The following SLC25A53 variants were observed in gnomAD, a reference collection of about 807,000 sequenced individuals.
SLC25A53 encodes the protein solute carrier family 25 member 53, also known as mitochondrial carrier triple repeat protein 6.
In SLC25A53, 5 loss-of-function variants were observed where a neutral mutation model predicts 15.0. That is an observed-to-expected ratio of 0.33 (90% CI 0.17 to 0.70). SLC25A53 has a LOEUF of 0.70. Among genes scored for constraint, SLC25A53 ranks in the 30% least tolerant of loss-of-function variants. The pLI, the probability that SLC25A53 is intolerant of heterozygous loss-of-function variation, is 0.67. For missense variants in SLC25A53, 216 were observed against 241.6 expected, an observed-to-expected ratio of 0.89 and a Z score of 0.70; for synonymous variants, 95 against 100.0, an observed-to-expected ratio of 0.95 and a Z score of 0.30.
intron 1 of SLC25A53, among the ~76,000 whole-genome samples, chrX:104,116,424 G>A (rs1411889257): frequency 9.0e-6 from 1 of 111,118 alleles, no homozygotes; most frequent in African/African-American, 3.3e-5. Context: ...GGGTCCCTGG[G>A]CTGACAAGAC....
intron 1 of SLC25A53, among the ~76,000 whole-genome samples, chrX:104,136,586 T>A (rs1556366510): frequency 8.9e-6 from 1 of 112,216 alleles, no homozygotes; most frequent in Non-Finnish European, 1.9e-5. Context: ...GCTACTTGAA[T>A]CCTTCTGCAA....
intron 1 of SLC25A53, chrX:104,115,435 T>C: frequency 1.3e-6 from 1 of 775,876 alleles, no homozygotes. Flanking sequence ...CAAAGCAGTT[T>C]TCCTTTGGGA....
chrX:104,150,443 G>T (rs1299241585), intron 1 of SLC25A53, among the ~76,000 whole-genome samples: 1 of 110,851 alleles, frequency 9.0e-6, no homozygotes, highest in Non-Finnish European at 1.9e-5. Context: ...TCACAGCTGG[G>T]CCTTGGTGTT....
chrX:104,121,576 T>C (rs2075392809), intron 1 of SLC25A53, among the ~76,000 whole-genome samples: 1 of 110,299 alleles, frequency 9.1e-6, no homozygotes, highest in South Asian at 3.9e-4. Flanking sequence ...TTGCTGGGAA[T>C]ACCCTTTAAC....
chrX:104,124,229 T>C (rs1294182901), intron 1 of SLC25A53, among the ~76,000 whole-genome samples: 1 of 111,868 alleles, frequency 8.9e-6, no homozygotes, highest in Non-Finnish European at 1.9e-5. Flanking sequence ...CATGTGTTGT[T>C]TCCTGACTTT....
rs1395446341 is a variant in SLC25A53, at chrX:104,102,633, A to G, written c.*1701T>C. 3.7e-4 allele frequency: 41 copies of G among 112,240 alleles called. No individual in the cohort carries two copies. Among genetic ancestry groups the G allele is most frequent in the African/African-American group, 1.3e-3 (41 of 30,921 alleles). 9.2% of individuals were successfully genotyped at this position (112,240 alleles called of 1,213,427 possible). A position where few individuals can be genotyped will look rare whatever the true frequency, so the allele number is the denominator to read the frequency against. On this transcript the variant is annotated 3_prime_UTR_variant, in exon 2 of 2. Transcript: ENST00000594199. Reference sequence around the variant, plus strand: ...AGGGACAGCACCCTGAGGATATACCATATCACAGCTTGATAATCAACTCAG... The same window carrying G: ...AGGGACAGCACCCTGAGGATATACCGTATCACAGCTTGATAATCAACTCAG...
intron 1 of SLC25A53, among the ~76,000 whole-genome samples, chrX:104,148,649 C>T (rs1455180250): frequency 9.1e-6 from 1 of 109,556 alleles, no homozygotes; most frequent in Non-Finnish European, 1.9e-5. Context: ...CACTTGGACA[C>T]AGGAAGGGGA....
chrX:104,129,564 CT>C (rs1346849758), intron 1 of SLC25A53, among the ~76,000 whole-genome samples: 6 of 108,589 alleles, frequency 5.5e-5, no homozygotes, highest in Admixed American at 2.0e-4. Flanking sequence ...AGAACATTGC[CT>C]TTTCTAACCT....
At chrX:104,127,675 A>T (rs1331497126) in intron 1 of SLC25A53, among the ~76,000 whole-genome samples, 1 of 112,152 alleles carries the variant, frequency 8.9e-6, no homozygotes, top group Non-Finnish European at 1.9e-5. Context: ...AAAAATAACT[A>T]GCGTGGGGCT....
At chrX:104,114,566 T>C in intron 1 of SLC25A53, 1 of 1,211,730 alleles carries the variant, frequency 8.3e-7, no homozygotes, top group Non-Finnish European at 1.1e-6. Flanking sequence ...GTGATCCGTT[T>C]AGAGGTGCAG....
intron 1 of SLC25A53, among the ~76,000 whole-genome samples, chrX:104,107,239 G>T (rs1393468958): frequency 9.0e-6 from 1 of 111,700 alleles, no homozygotes; most frequent in East Asian, 2.8e-4. Context: ...CTCACCTCTT[G>T]GTGGAGGCAG....
At chrX:104,144,878 C>G (rs915605176) in intron 1 of SLC25A53, among the ~76,000 whole-genome samples, 2 of 111,306 alleles carry the variant, frequency 1.8e-5, no homozygotes, top group African/African-American at 6.5e-5. Flanking sequence ...GAGACTTTAA[C>G]ACCCCCTGTC....
At position 104,103,138 on chromosome X, in the gene SLC25A53, CAAA is replaced by C. The variant is rs539051426; in HGVS notation, c.*1193_*1195del. On this transcript the variant is annotated 3_prime_UTR_variant, in exon 2 of 2. Transcript: ENST00000594199. ...GGGCAACAAGAGCGAAACTCCGTCT[CAAA>C]AAAAAAAAAAAGAAAGGGGCATCAC... 3 of 71,470 alleles carry C rather than the reference CAAA, an allele frequency of 4.2e-5. No individual in the cohort carries two copies. Among genetic ancestry groups the C allele is most frequent in the East Asian group, 4.6e-4 (1 of 2,170 alleles). 5.9% of individuals were successfully genotyped at this position (71,470 alleles called of 1,213,427 possible).
At chrX:104,150,439 C>T (rs1365327679) in intron 1 of SLC25A53, among the ~76,000 whole-genome samples, 1 of 111,004 alleles carries the variant, frequency 9.0e-6, no homozygotes, top group Non-Finnish European at 1.9e-5. Flanking sequence ...GCACTCACAG[C>T]TGGGCCTTGG....
chrX:104,127,148 C>G (rs1250197683), intron 1 of SLC25A53, among the ~76,000 whole-genome samples: 2 of 112,250 alleles, frequency 1.8e-5, no homozygotes, highest in Admixed American at 9.4e-5. Flanking sequence ...GTCTATCCAC[C>G]CAAGGGAATA....
intron 1 of SLC25A53, among the ~76,000 whole-genome samples, chrX:104,146,300 A>G (rs1212482568): frequency 8.9e-6 from 1 of 111,961 alleles, no homozygotes; most frequent in Non-Finnish European, 1.9e-5. Context: ...TTGATGGAAC[A>G]TATCTCAAAA....
intron 1 of SLC25A53, chrX:104,113,280 G>A (rs1259791066): frequency 2.7e-5 from 3 of 111,785 alleles, no homozygotes; most frequent in Non-Finnish European, 5.6e-5. Context: ...AAATGTAAGG[G>A]GGATGCGCGG....
intron 1 of SLC25A53, among the ~76,000 whole-genome samples, chrX:104,148,143 C>T (rs1453527765): frequency 9.2e-6 from 1 of 108,852 alleles, no homozygotes; most frequent in Non-Finnish European, 1.9e-5. Flanking sequence ...GAGTTCATGT[C>T]CTTTGTAGGG....
rs781946882 is a variant in SLC25A53 at position 104,138,014 on chromosome X, A to T, written c.-32+18864T>A. 1.4e-4 allele frequency among the ~76,000 whole-genome samples: 16 copies of T among 112,654 alleles called. No homozygotes were observed. The South Asian group carries it at 1.8e-3, about 13-fold the overall frequency. On this transcript the variant is annotated intron_variant, in intron 1 of 1. Transcript: ENST00000594199. Reference sequence around the variant, plus strand: ...AGTGAACAGAACAGAAATAAATTTCAGAACGCATTCAAAAAGTTTCTATTT... The same window carrying T: ...AGTGAACAGAACAGAAATAAATTTCTGAACGCATTCAAAAAGTTTCTATTT...
Sources: allele counts gnomAD v4.1 joint callset (sites outside exome capture counted in the v4.1 genomes callset), GRCh38; gene constraint gnomAD v4.1.1; transcripts MANE v1.5; gene names NCBI Gene and HGNC (gene_info 2026-07-23, HGNC 2026-07-21).